SLC5A11: variants seen among roughly 807,000 people sequenced by gnomAD.
SLC5A11 encodes sodium/myo-inositol cotransporter 2.
In SLC5A11, 48 loss-of-function variants were observed where a neutral mutation model predicts 69.8. The ratio of observed to expected loss-of-function variants is 0.69; its 90% confidence interval spans 0.55 to 0.87. SLC5A11 has a LOEUF of 0.87. SLC5A11 is among the 40% of genes least tolerant of loss of function. The pLI is 0.00. For missense variants in SLC5A11, 784 were observed against 866.1 expected, an observed-to-expected ratio of 0.91 and a Z score of 1.19; for synonymous variants, 319 against 342.4, an observed-to-expected ratio of 0.93 and a Z score of 0.75.
At chr16:24,857,057 G>C (rs1220530562) in intron 1 of SLC5A11, among the ~76,000 whole-genome samples, 1 of 152,112 alleles carries the variant, frequency 6.6e-6, no homozygotes, top group African/African-American at 2.4e-5. Context: ...TGGCCTCATG[G>C]GATCCACTCA....
exon 6 of SLC5A11, chr16:24,875,635 G>T (rs142821360): frequency 6.2e-7 from 1 of 1,613,500 alleles, no homozygotes; most frequent in African/African-American, 1.3e-5. Context: ...AGGTCACCAC[G>T]ATGCCAGAAT....
intron 7 of SLC5A11, among the ~76,000 whole-genome samples, chr16:24,878,799 G>A (rs537382840): frequency 3.3e-5 from 5 of 152,164 alleles, no homozygotes; most frequent in Non-Finnish European, 4.4e-5. Context: ...TTGGGAGGCC[G>A]AGGCGGGTGG....
At chr16:24,888,949 A>T (rs2152360142) in intron 8 of SLC5A11, among the ~76,000 whole-genome samples, 1 of 150,380 alleles carries the variant, frequency 6.6e-6, no homozygotes, top group Admixed American at 6.6e-5. Flanking sequence ...GGCATGCATC[A>T]CCATGCCTGG....
chr16:24,906,595 T>G, intron 10 of SLC5A11, 62 bp from the exon 12 acceptor site: 4 of 1,058,150 alleles, frequency 3.8e-6, no homozygotes, highest in Non-Finnish European at 5.5e-6. Context: ...GGCCCCATGT[T>G]GCCTGGGCCT....
chr16:24,874,992 A>G (rs2047572845), intron 5 of SLC5A11, among the ~76,000 whole-genome samples: 1 of 151,818 alleles, frequency 6.6e-6, no homozygotes, highest in Non-Finnish European at 1.5e-5. Flanking sequence ...ATTAGGTTAT[A>G]TGTCTTTAAA....
At chr16:24,880,254 G>A (rs2047951084) in intron 7 of SLC5A11, among the ~76,000 whole-genome samples, 1 of 152,208 alleles carries the variant, frequency 6.6e-6, no homozygotes, top group African/African-American at 2.4e-5. Context: ...TTACAGTCAT[G>A]GTGGAAGGCA....
chr16:24,883,809 G>T (rs2048204203), intron 7 of SLC5A11, among the ~76,000 whole-genome samples: 1 of 152,234 alleles, frequency 6.6e-6, no homozygotes, highest in South Asian at 2.1e-4. Flanking sequence ...GTCAAAGCAA[G>T]TCACGTGGCC....
rs1555532930 is a variant in SLC5A11, at chr16:24,901,956, ACG to A, written c.1006+3849_1006+3850del. Among the ~76,000 whole-genome samples, 327 of 95,876 alleles carry A rather than the reference ACG, an allele frequency of 3.4e-3. 1 individual carries two copies. The highest frequency in any genetic ancestry group is 7.4e-3 in the East Asian group (11 of 1,484). The allele number at this position is 95,876 out of a possible 152,430, so 62.9% of individuals were successfully genotyped here. On this transcript the variant is annotated intron_variant, in intron 10 of 15. Coordinates refer to ENST00000347898, the Ensembl canonical transcript of SLC5A11. ...TACACACACACACACACACACACACACGCACACACACACACACACACACACAT... is the reference window on the plus strand; with the variant it reads ...TACACACACACACACACACACACACACACACACACACACACACACACACAT...
At chr16:24,862,482 G>T in intron 2 of SLC5A11, 119 bp from the exon 4 acceptor site, 1 of 606,260 alleles carries the variant, frequency 1.6e-6, no homozygotes, top group South Asian at 2.4e-5. Flanking sequence ...AAATATATTT[G>T]ATATCCGAAT....
intron 1 of SLC5A11, among the ~76,000 whole-genome samples, chr16:24,856,597 C>CAAAAAAAAAAAA (rs35867622): frequency 9.0e-5 from 8 of 88,814 alleles, no homozygotes; most frequent in Admixed American, 1.5e-4. Flanking sequence ...ACTAAAAATA[C>CAAAAAAAAAAAA]AAAAAAAAAA....
Position 24,911,519 on chromosome 16 carries a change from G to A in SLC5A11, c.2014G>A (p.Gly672Ser), listed in dbSNP as rs747195979. 4 of 1,613,984 alleles carry A rather than the reference G, an allele frequency of 2.5e-6. No individual in the cohort carries two copies. The East Asian group carries it at 6.7e-5, about 27-fold the overall frequency. Residue 672 changes from glycine (G) to serine (S), a missense_variant, in exon 16 of 16, where the codon GGC becomes AGC. By Grantham distance (56) the Gly-to-Ser change is moderately conservative. Coordinates refer to ENST00000347898, the Ensembl canonical transcript of SLC5A11. ...CGTGAGCTGCGCCATCTTTATCTGGGGCTATTTTGCTTAGTGTGGGGTGAA... is the reference window on the plus strand; with the variant it reads ...CGTGAGCTGCGCCATCTTTATCTGGAGCTATTTTGCTTAGTGTGGGGTGAA...
intron 4 of SLC5A11, among the ~76,000 whole-genome samples, chr16:24,871,521 C>T (rs892528456): frequency 3.9e-4 from 59 of 152,268 alleles, no homozygotes; most frequent in African/African-American, 1.3e-3. Context: ...GATCCACTGG[C>T]TTCTGCCTGC....
At chr16:24,871,939 A>G (rs1354505391) in intron 4 of SLC5A11, among the ~76,000 whole-genome samples, 1 of 152,190 alleles carries the variant, frequency 6.6e-6, no homozygotes, top group African/African-American at 2.4e-5. Flanking sequence ...ACTAGGAAGC[A>G]TCGCAAAGGC....
At chr16:24,872,925 C>G (rs76139776) in intron 5 of SLC5A11, among the ~76,000 whole-genome samples, 2 of 39,676 alleles carry the variant, frequency 5.0e-5, no homozygotes, top group African/African-American at 1.9e-4. Flanking sequence ...GTCACTTGAG[C>G]CTAGGAGTTC....
chr16:24,884,015 ACTC>A, intron 7 of SLC5A11, 33 bp from the exon 9 acceptor site: 1 of 1,599,632 alleles, frequency 6.3e-7, no homozygotes, highest in Non-Finnish European at 8.6e-7. Context: ...TTCTCGTTAG[ACTC>A]CCTGACCCTC....
At chr16:24,857,744 T>C (rs2059596088) in intron 1 of SLC5A11, among the ~76,000 whole-genome samples, 1 of 152,244 alleles carries the variant, frequency 6.6e-6, no homozygotes, top group Non-Finnish European at 1.5e-5. Context: ...TCAGGTTAGC[T>C]GCAGCTAGGC....
In SLC5A11 at chr16:24,905,638, G is replaced by GCGCA. The variant is rs1555534420; in HGVS notation, c.1007-1017_1007-1014dup. On this transcript the variant is annotated intron_variant, in intron 10 of 15. Coordinates refer to ENST00000347898, the Ensembl canonical transcript of SLC5A11. Reference sequence around the variant, plus strand: ...CCCCATCTCAAAAACACGCGCGCGCGCGCACACACACACACACACACACAC... The same window carrying GCGCA: ...CCCCATCTCAAAAACACGCGCGCGCGCGCACGCACACACACACACACACACACAC... Among the ~76,000 whole-genome samples the GCGCA allele has an allele frequency of 4.4e-3, 308 of 70,308 alleles. 1 individual carries two copies. The highest frequency in any genetic ancestry group is 8.6e-3 in the Non-Finnish European group (235 of 27,358). 46.1% of individuals were successfully genotyped at this position (70,308 alleles called of 152,430 possible).
chr16:24,878,009 C>T (rs1011203972), intron 7 of SLC5A11, among the ~76,000 whole-genome samples: 6 of 151,498 alleles, frequency 4.0e-5, no homozygotes, highest in African/African-American at 9.7e-5. Context: ...AAAAATTAGC[C>T]GGGCATGCTG....
At chr16:24,903,155 A>T (rs2049770904) in intron 10 of SLC5A11, among the ~76,000 whole-genome samples, 1 of 149,222 alleles carries the variant, frequency 6.7e-6, no homozygotes, top group African/African-American at 2.5e-5. Flanking sequence ...CCGATTCAAA[A>T]CCTTCTGAAT....
Sources: allele counts gnomAD v4.1 joint callset (sites outside exome capture counted in the v4.1 genomes callset), GRCh38; gene constraint gnomAD v4.1.1; transcripts MANE v1.5; gene names NCBI Gene and HGNC (gene_info 2026-07-23, HGNC 2026-07-21).